PRKAG2: variants seen among roughly 807,000 people sequenced by gnomAD.
PRKAG2 encodes protein kinase AMP-activated non-catalytic subunit gamma 2.
Under a neutral mutation model 69.6 loss-of-function variants are expected in PRKAG2, and 26 were observed. The observed-to-expected ratio is 0.37, with a 90% CI of 0.27 to 0.52. The LOEUF (loss-of-function observed/expected upper bound fraction) is 0.52. PRKAG2 is among the 20% of genes least tolerant of loss of function. The probability of loss-of-function intolerance (pLI) is 0.90; values close to 1 mark genes in which losing one functional copy is unlikely to be tolerated. For synonymous variants in PRKAG2, 293 were observed against 285.0 expected (o/e 1.03, Z -0.28); for missense variants, 557 against 740.0 (o/e 0.75, Z 2.87).
rs540822668 is a variant in PRKAG2, at chr7:151,756,471, G to A, written c.466+24681C>T. On this transcript the variant is annotated intron_variant, in intron 3 of 15. Transcript: ENST00000287878. This position sits in a 1 kb window ranked among gnomAD's most constrained non-coding sequence, Gnocchi z 4.9. ...GACTCAGTGGTGCCTCCAGGCGAGC[G>A]GGTACCTGCGCTGCTCTCATGCTCA... Among the ~76,000 whole-genome samples the A allele has an allele frequency of 1.7e-3, 265 of 152,298 alleles. 1 individual carries two copies. Among genetic ancestry groups the A allele is most frequent in the African/African-American group, 6.0e-3 (251 of 41,556 alleles).
chr7:151,638,392 TG>T lies in PRKAG2; in HGVS notation c.685-6255del, dbSNP rs1826088206. ...GCTCATGCCTGTAATCCCAGCACTT[TG>T]GGAGGCCGAGGCGGGCGGATCACAA... On this transcript the variant is annotated intron_variant, in intron 4 of 15. Coordinates refer to ENST00000287878, the MANE Select transcript of PRKAG2 (RefSeq NM_016203.4). The surrounding 1 kb of genome is among the most constrained non-coding windows in gnomAD (Gnocchi z 4.3). 6.6e-6 allele frequency among the ~76,000 whole-genome samples: 1 copy of T among 152,158 alleles called. No homozygotes were observed. The highest frequency in any genetic ancestry group is 1.5e-5 in the Non-Finnish European group (1 of 68,030).
intron 1 of PRKAG2, among the ~76,000 whole-genome samples, chr7:151,851,279 C>T (rs1454562594): frequency 6.6e-6 from 1 of 151,372 alleles, no homozygotes; most frequent in Non-Finnish European, 1.5e-5. Context: ...TGAGAGCTCA[C>T]TGGAGCATTT....
chr7:151,870,052 T>A (rs1241947226), intron 1 of PRKAG2, among the ~76,000 whole-genome samples: 1 of 151,968 alleles, frequency 6.6e-6, no homozygotes, highest in Non-Finnish European at 1.5e-5. Context: ...TGAATTGCCT[T>A]TGTTGAATAG....
chr7:151,595,561 A>G, intron 5 of PRKAG2, 107 bp from the exon 6 acceptor site: 2 of 815,516 alleles, frequency 2.5e-6, no homozygotes, highest in South Asian at 2.9e-5. Context: ...TAAAATACGA[A>G]ATGTTTTCCC....
At chr7:151,742,277 T>C (rs1350982388) in intron 3 of PRKAG2, among the ~76,000 whole-genome samples, 3 of 152,196 alleles carry the variant, frequency 2.0e-5, no homozygotes, top group African/African-American at 7.2e-5. Context: ...TGGAAAAGAA[T>C]TTCTCTCTAC....
intron 3 of PRKAG2, among the ~76,000 whole-genome samples, chr7:151,739,775 T>C (rs2073741174): frequency 6.6e-6 from 1 of 152,008 alleles, no homozygotes; most frequent in African/African-American, 2.4e-5. Flanking sequence ...CCGGCTGGAA[T>C]TTTCTAACCT....
chr7:151,622,133 GC>G (rs1284212998), intron 5 of PRKAG2, among the ~76,000 whole-genome samples: 1 of 152,158 alleles, frequency 6.6e-6, no homozygotes, highest in East Asian at 1.9e-4. Context: ...TCAGCAAACC[GC>G]TGAGTCACAA....
intron 1 of PRKAG2, among the ~76,000 whole-genome samples, chr7:151,847,461 C>T (rs1490427356): frequency 6.6e-6 from 1 of 152,146 alleles, no homozygotes; most frequent in Non-Finnish European, 1.5e-5. Flanking sequence ...GCCTTGAGCT[C>T]TTGTCCCCGA....
At position 151,576,534 on chromosome 7, in the gene PRKAG2, T is replaced by C. The variant is rs6963871; in HGVS notation, c.865-82A>G. On this transcript the variant is annotated intron_variant, in intron 6 of 15. Transcript: ENST00000287878. ...TTTTTTTTTTGAGACAAGGTTTCAC[T>C]CTGTTGCCCAGGCTGGAGTGCAGTG... 2.7e-4 allele frequency: 339 copies of C among 1,270,654 alleles called. No individual in the cohort carries two copies. The African/African-American group carries it at 3.4e-3, about 13-fold the overall frequency. The allele number at this position is 1,270,654 out of a possible 1,614,324, so 78.7% of individuals were successfully genotyped here.
chr7:151,837,362 A>C (rs2079169446), intron 1 of PRKAG2: 1 of 153,310 alleles, frequency 6.5e-6, no homozygotes, highest in South Asian at 2.1e-4. Flanking sequence ...GAAAGGGGGA[A>C]AGTGGACAGG....
chr7:151,641,255 T>C (rs1826631261), intron 4 of PRKAG2, among the ~76,000 whole-genome samples: 1 of 145,424 alleles, frequency 6.9e-6, no homozygotes, highest in East Asian at 2.1e-4. Context: ...TTTTTTTTTT[T>C]TTTTTTTTTT....
chr7:151,614,811 G>A lies in PRKAG2; in HGVS notation c.754+17258C>T, dbSNP rs1049652733. Among the ~76,000 whole-genome samples, 3 of 152,218 alleles carry A rather than the reference G, an allele frequency of 2.0e-5. No individual in the cohort carries two copies. Among genetic ancestry groups the A allele is most frequent in the Non-Finnish European group, 4.4e-5 (3 of 68,038 alleles). ...ACAATGGCTTTTCTGCAAACTCCTT[G>A]CCGACCACTGATCACTTGGCACTGG... On this transcript the variant is annotated intron_variant, in intron 5 of 15. Transcript: ENST00000287878. This position sits in a 1 kb window ranked among gnomAD's most constrained non-coding sequence, Gnocchi z 4.4.
chr7:151,635,927 G>C (rs751561834), intron 4 of PRKAG2, among the ~76,000 whole-genome samples: 5 of 151,272 alleles, frequency 3.3e-5, no homozygotes, highest in African/African-American at 7.3e-5. Flanking sequence ...GAGTGCAGTG[G>C]TGCCATCTCA....
In PRKAG2 at chr7:151,603,162, C is replaced by A. The variant is rs546752448; in HGVS notation, c.755-7708G>T. Among the ~76,000 whole-genome samples, 26 of 144,842 alleles carry A rather than the reference C, an allele frequency of 1.8e-4. No homozygotes were observed. The South Asian group carries it at 5.2e-3, about 29-fold the overall frequency. ...CCGCACACGGAGGGACACGCTCCGT[C>A]CTCACCGCACACGGAGGGACACGCT... On this transcript the variant is annotated intron_variant, in intron 5 of 15. Coordinates refer to ENST00000287878, the MANE Select transcript of PRKAG2 (RefSeq NM_016203.4).
At chr7:151,778,342 G>T (rs1321434681) in intron 3 of PRKAG2, among the ~76,000 whole-genome samples, 1 of 152,124 alleles carries the variant, frequency 6.6e-6, no homozygotes, top group Non-Finnish European at 1.5e-5. Flanking sequence ...CTGTGCAGTG[G>T]GCATGAGGCT....
Position 151,786,978 on chromosome 7 carries a change from C to T in PRKAG2, c.115-437G>A, listed in dbSNP as rs149616978. 5.3e-3 allele frequency among the ~76,000 whole-genome samples: 804 copies of T among 152,212 alleles called. 5 individuals are homozygous for T. Among genetic ancestry groups the T allele is most frequent in the African/African-American group, 0.018 (729 of 41,506 alleles). ...GATGGGGAGGGTGACACTGGGGTGG[C>T]GGCTGAGGCAAAACTATTAGCAGAG... On this transcript the variant is annotated intron_variant, in intron 1 of 15. Coordinates refer to ENST00000287878, the MANE Select transcript of PRKAG2 (RefSeq NM_016203.4).
chr7:151,867,277 G>C (rs926477753), intron 1 of PRKAG2, among the ~76,000 whole-genome samples: 7 of 152,150 alleles, frequency 4.6e-5, no homozygotes, highest in South Asian at 2.1e-4. Flanking sequence ...GTGATAATGC[G>C]GCACCACATA....
rs76581354 is a variant in PRKAG2, at chr7:151,724,611, C to T, written c.467-48974G>A. ...CGTCGCCCTCCCAGGCGCTCCCTCC[C>T]GGCACTTCCCGGGCTTTGGGCACCC... On this transcript the variant is annotated intron_variant, in intron 3 of 15. Coordinates refer to ENST00000287878, the MANE Select transcript of PRKAG2 (RefSeq NM_016203.4). 1.8e-3 allele frequency among the ~76,000 whole-genome samples: 276 copies of T among 152,262 alleles called. 4 individuals are homozygous for T. The East Asian group carries it at 0.039, about 22-fold the overall frequency.
chr7:151,659,994 G>A (rs1158363905), intron 4 of PRKAG2, among the ~76,000 whole-genome samples: 1 of 152,224 alleles, frequency 6.6e-6, no homozygotes, highest in Non-Finnish European at 1.5e-5. Flanking sequence ...GGGAGTTCGA[G>A]GTTACAGTGA....
Sources: allele counts gnomAD v4.1 joint callset (sites outside exome capture counted in the v4.1 genomes callset), GRCh38; gene constraint gnomAD v4.1.1; non-coding constraint Gnocchi (gnomAD v3.1); transcripts MANE v1.5; gene names NCBI Gene and HGNC (gene_info 2026-07-23, HGNC 2026-07-21).